LRMDA: variants seen among roughly 807,000 people sequenced by gnomAD.
The protein encoded by LRMDA is leucine-rich melanocyte differentiation-associated protein.
In LRMDA, 18 loss-of-function variants were observed where a neutral mutation model predicts 29.8. The ratio of observed to expected loss-of-function variants is 0.60; its 90% CI spans 0.42 to 0.90. LRMDA has a LOEUF of 0.90. Ranked by LOEUF, LRMDA falls within the 40% of genes least tolerant of loss-of-function variation. The pLI is 0.00. For missense variants in LRMDA, 273 were observed against 273.9 expected, an observed-to-expected ratio of 1.00 and a Z score of 0.02; for synonymous variants, 125 against 109.4, an observed-to-expected ratio of 1.14 and a Z score of -0.89.
intron 2 of LRMDA, among the ~76,000 whole-genome samples, chr10:75,724,684 A>G (rs1269808858): frequency 6.6e-6 from 1 of 152,192 alleles, no homozygotes; most frequent in Non-Finnish European, 1.5e-5. Flanking sequence ...TCATCTAAGA[A>G]TCTCAGCGAG....
chr10:76,304,772 A>G (rs1380347979), intron 5 of LRMDA, among the ~76,000 whole-genome samples: 1 of 152,190 alleles, frequency 6.6e-6, no homozygotes, highest in African/African-American at 2.4e-5. Flanking sequence ...GTAGGGGGAC[A>G]ACTCAGGCAA....
rs201933922 is a variant in LRMDA at position 75,546,358 on chromosome 10, A to G, written c.131+107864A>G. ...TGTTTAATGGTAGAGGAAAATATCTATGAACTATTCATAAGCTTAAAAATA... is the reference window on the plus strand; with the variant it reads ...TGTTTAATGGTAGAGGAAAATATCTGTGAACTATTCATAAGCTTAAAAATA... On this transcript the variant is annotated intron_variant, in intron 2 of 6. Transcript: ENST00000611255. 1.4e-4 allele frequency among the ~76,000 whole-genome samples: 21 copies of G among 152,224 alleles called. No homozygotes were observed. The East Asian group carries it at 3.5e-3, about 25-fold the overall frequency.
At chr10:75,532,510 C>T (rs1022171764) in intron 2 of LRMDA, among the ~76,000 whole-genome samples, 5 of 152,162 alleles carry the variant, frequency 3.3e-5, no homozygotes, top group Admixed American at 3.3e-4. Flanking sequence ...ACATCAGGCT[C>T]TGCTTTCTAG....
At chr10:75,626,619 G>C (rs553964817) in intron 2 of LRMDA, among the ~76,000 whole-genome samples, 1 of 152,314 alleles carries the variant, frequency 6.6e-6, no homozygotes, top group East Asian at 1.9e-4. Flanking sequence ...ATTAATTCCT[G>C]TTCCAATGAC....
chr10:75,892,443 G>A (rs1405131883), intron 2 of LRMDA, among the ~76,000 whole-genome samples: 1 of 152,172 alleles, frequency 6.6e-6, no homozygotes, highest in East Asian at 1.9e-4. Context: ...ACTTACAGGT[G>A]TTCTTTAAGG....
chr10:75,846,164 T>C (rs1844631568), intron 2 of LRMDA, among the ~76,000 whole-genome samples: 1 of 135,740 alleles, frequency 7.4e-6, no homozygotes, highest in Non-Finnish European at 1.5e-5. Flanking sequence ...TTGTTACTTA[T>C]TTGTGTGTGT....
At chr10:75,672,135 A>G (rs1841898126) in intron 2 of LRMDA, among the ~76,000 whole-genome samples, 1 of 152,176 alleles carries the variant, frequency 6.6e-6, no homozygotes, top group Non-Finnish European at 1.5e-5. Flanking sequence ...CACATGTCTA[A>G]GAAATAAATT....
At chr10:76,468,087 T>C (rs1352405427) in intron 6 of LRMDA, among the ~76,000 whole-genome samples, 1 of 152,136 alleles carries the variant, frequency 6.6e-6, no homozygotes, top group Non-Finnish European at 1.5e-5. Flanking sequence ...CCTTTAATGA[T>C]AGGTCACAAG....
At chr10:76,353,524 C>T (rs879385249) in intron 6 of LRMDA, among the ~76,000 whole-genome samples, 2 of 152,084 alleles carry the variant, frequency 1.3e-5, no homozygotes, top group East Asian at 3.9e-4. Flanking sequence ...GATGATGACA[C>T]GTTCGAAGCT....
chr10:76,215,731 T>C (rs1315301876), intron 5 of LRMDA, among the ~76,000 whole-genome samples: 1 of 152,210 alleles, frequency 6.6e-6, no homozygotes, highest in Admixed American at 6.5e-5. Flanking sequence ...GAGGAATTTC[T>C]TGTGAATTGA....
At chr10:76,060,395 G>A (rs1192758369) in intron 5 of LRMDA, among the ~76,000 whole-genome samples, 1 of 152,084 alleles carries the variant, frequency 6.6e-6, no homozygotes, top group African/African-American at 2.4e-5. Context: ...TTCTTCTAAG[G>A]TTCTTGGTGC....
At chr10:76,194,027 T>A (rs1353650322) in intron 5 of LRMDA, among the ~76,000 whole-genome samples, 1 of 152,158 alleles carries the variant, frequency 6.6e-6, no homozygotes, top group African/African-American at 2.4e-5. Flanking sequence ...AGTGCAAAGG[T>A]ACAGAGACTT....
intron 2 of LRMDA, among the ~76,000 whole-genome samples, chr10:75,598,972 T>C (rs1840843877): frequency 6.6e-6 from 1 of 152,120 alleles, no homozygotes; most frequent in South Asian, 2.1e-4. Context: ...TGTGCATTCC[T>C]TGTCCATCAG....
chr10:75,601,358 T>C (rs921133654), intron 2 of LRMDA: 2 of 152,162 alleles, frequency 1.3e-5, no homozygotes, highest in African/African-American at 4.8e-5. Context: ...ACTGATTTTG[T>C]TGTAAGTTAA....
intron 6 of LRMDA, among the ~76,000 whole-genome samples, chr10:76,554,355 A>G (rs930783850): frequency 1.3e-5 from 2 of 152,222 alleles, no homozygotes; most frequent in African/African-American, 4.8e-5. Flanking sequence ...GGCTGTTGCC[A>G]GCACAGAGAC....
At chr10:76,183,305 A>G (rs974765115) in intron 5 of LRMDA, among the ~76,000 whole-genome samples, 7 of 152,254 alleles carry the variant, frequency 4.6e-5, no homozygotes, top group African/African-American at 1.4e-4. Context: ...TGACCCATTT[A>G]TCAAAAATAA....
chr10:76,505,458 T>A (rs1197678077), intron 6 of LRMDA, among the ~76,000 whole-genome samples: 1 of 152,092 alleles, frequency 6.6e-6, no homozygotes, highest in Admixed American at 6.6e-5. Flanking sequence ...TGTTCATTTT[T>A]TAAAAATTAT....
intron 2 of LRMDA, among the ~76,000 whole-genome samples, chr10:75,453,789 G>A (rs7912002): frequency 0.3 from 45,988 of 152,088 alleles, 6,985 homozygotes; most frequent in Middle Eastern, 0.33. Context: ...CCACTCGCTC[G>A]CATGTCATAT....
intron 2 of LRMDA, among the ~76,000 whole-genome samples, chr10:75,589,188 C>T (rs1025819473): frequency 3.3e-5 from 5 of 152,146 alleles, no homozygotes; most frequent in African/African-American, 1.2e-4. Flanking sequence ...AATTGTACTC[C>T]TCAGGAGCTG....
Sources: allele counts gnomAD v4.1 joint callset (sites outside exome capture counted in the v4.1 genomes callset), GRCh38; gene constraint gnomAD v4.1.1; transcripts MANE v1.5; gene names NCBI Gene and HGNC (gene_info 2026-07-23, HGNC 2026-07-21).